Variants in SDK1 observed in about 807,000 individuals in gnomAD.
The protein encoded by SDK1 is sidekick cell adhesion molecule 1.
In SDK1, 157 loss-of-function variants were observed where a neutral mutation model predicts 245.5. The observed-to-expected ratio is 0.64, with a 90% CI of 0.56 to 0.73. The LOEUF (loss-of-function observed/expected upper bound fraction) is 0.73. Among genes scored for constraint, SDK1 ranks in the 30% least tolerant of loss-of-function variants. The pLI is 0.00. For missense variants in SDK1, 3,583 were observed against 3,002.3 expected (o/e 1.19, Z -4.52); for synonymous variants, 1,647 against 1,278.5 (o/e 1.29, Z -6.15).
At chr7:3,605,968 A>T (rs576537984) in intron 1 of SDK1, among the ~76,000 whole-genome samples, 2 of 152,280 alleles carry the variant, frequency 1.3e-5, no homozygotes, top group East Asian at 3.9e-4. Flanking sequence ...TCCAGATGTT[A>T]CTTTTGAAAG....
chr7:4,266,092 A>C lies in SDK1; in HGVS notation c.*708A>C. On this transcript the variant is annotated 3_prime_UTR_variant, in exon 45 of 45. Transcript: ENST00000404826. Reference sequence around the variant, plus strand: ...GTCTTTCCCCCTTCCTTCTCACCTGACAGCGAGGGAGAGGGAAGCCTCTTA... The same window carrying C: ...GTCTTTCCCCCTTCCTTCTCACCTGCCAGCGAGGGAGAGGGAAGCCTCTTA... 1 of 985,314 alleles carries C rather than the reference A, an allele frequency of 1.0e-6. No homozygotes were observed. The highest frequency in any genetic ancestry group is 1.2e-6 in the Non-Finnish European group (1 of 829,922). The allele number at this position is 985,314 out of a possible 1,614,324, so 61.0% of individuals were successfully genotyped here. A position where few individuals can be genotyped will look rare whatever the true frequency, so the allele number is the denominator to read the frequency against.
intron 14 of SDK1, among the ~76,000 whole-genome samples, chr7:4,007,668 G>A (rs544117631): frequency 2.0e-5 from 3 of 151,990 alleles, no homozygotes; most frequent in African/African-American, 7.3e-5. Flanking sequence ...CCAGTGGCGC[G>A]GTCTCGACTC....
chr7:4,210,183 G>C, intron 38 of SDK1, 21 bp downstream of exon 38: 1 of 1,523,230 alleles, frequency 6.6e-7, no homozygotes. Context: ...GGGTTGGGGA[G>C]ATGGGAGCGC....
Position 4,265,387 on chromosome 7 carries a change from A to G in SDK1, c.*3A>G, listed in dbSNP as rs1044093309. ...CCGGCTTCTCCTCCTTCGTGTGAGC[A>G]AAGCGCCGCGCCTCCCTCAGGGCGG... On this transcript the variant is annotated 3_prime_UTR_variant, in exon 45 of 45. Coordinates refer to ENST00000404826, the MANE Select transcript of SDK1 (RefSeq NM_152744.4). The G allele has an allele frequency of 7.0e-6, 10 of 1,428,736 alleles. No homozygotes were observed. In the African/African-American group the frequency reaches 1.2e-4, roughly 17 times the overall value. 88.5% of individuals were successfully genotyped at this position (1,428,736 alleles called of 1,614,324 possible). A position where few individuals can be genotyped will look rare whatever the true frequency, so the allele number is the denominator to read the frequency against.
chr7:3,425,712 A>T (rs1779657731), intron 1 of SDK1, among the ~76,000 whole-genome samples: 1 of 152,340 alleles, frequency 6.6e-6, no homozygotes, highest in African/African-American at 2.4e-5. Context: ...ATCATTAATT[A>T]GGGAAGATAA....
chr7:3,631,367 A>T (rs1332579420), intron 2 of SDK1, among the ~76,000 whole-genome samples: 1 of 151,926 alleles, frequency 6.6e-6, no homozygotes, highest in East Asian at 1.9e-4. Context: ...ATTGTGTGTA[A>T]CTCCCATCTA....
At position 3,416,946 on chromosome 7, in the gene SDK1, A is replaced by G. The variant is rs192838561; in HGVS notation, c.298+115062A>G. On this transcript the variant is annotated intron_variant, in intron 1 of 44. Transcript: ENST00000404826. ...CCAGCACTTTGGGAGGATGAGGTGG[A>G]TGGATCACCTGAGGTCAGGAGTTCA... is the stretch of plus-strand genomic sequence containing the variant. Among the ~76,000 whole-genome samples the G allele has an allele frequency of 4.9e-3, 745 of 152,146 alleles. 9 individuals carry two copies. The highest frequency in any genetic ancestry group is 0.017 in the African/African-American group (700 of 41,534).
intron 25 of SDK1, 87 bp downstream of exon 25, chr7:4,114,361 C>A (rs935660543): frequency 1.9e-6 from 2 of 1,047,676 alleles, no homozygotes; most frequent in Non-Finnish European, 2.8e-6. Flanking sequence ...AGGCTAGTGG[C>A]GTCTCATTGG....
chr7:3,816,267 G>A (rs1481432177), intron 4 of SDK1, among the ~76,000 whole-genome samples: 1 of 151,966 alleles, frequency 6.6e-6, no homozygotes, highest in Non-Finnish European at 1.5e-5. Context: ...GAAGGAAAGA[G>A]AGACACAAAA....
At chr7:3,783,601 A>G (rs1424633798) in intron 4 of SDK1, among the ~76,000 whole-genome samples, 1 of 152,224 alleles carries the variant, frequency 6.6e-6, no homozygotes, top group Non-Finnish European at 1.5e-5. Flanking sequence ...TTATCAAGGG[A>G]ACAATTTCAT....
chr7:3,604,087 G>A (rs1051923009), intron 1 of SDK1, among the ~76,000 whole-genome samples: 15 of 152,210 alleles, frequency 9.9e-5, no homozygotes, highest in Non-Finnish European at 1.9e-4. Context: ...CGGTTTGCCA[G>A]TATTTTATTG....
intron 44 of SDK1, among the ~76,000 whole-genome samples, chr7:4,251,542 C>G (rs1262320270): frequency 6.6e-6 from 1 of 152,208 alleles, no homozygotes; most frequent in Non-Finnish European, 1.5e-5. Context: ...TGATTAGAAA[C>G]TCACTGCCCA....
intron 40 of SDK1, among the ~76,000 whole-genome samples, chr7:4,224,148 G>A (rs569610540): frequency 1.3e-5 from 2 of 152,318 alleles, no homozygotes; most frequent in East Asian, 1.9e-4. Context: ...CCAGGTGATC[G>A]TAGGCATTAC....
At chr7:3,501,944 C>T (rs1327946155) in intron 1 of SDK1, among the ~76,000 whole-genome samples, 1 of 152,070 alleles carries the variant, frequency 6.6e-6, no homozygotes, top group Non-Finnish European at 1.5e-5. Flanking sequence ...CCTCCTAGAC[C>T]AAAGGTGTTT....
rs148138920 is a variant in SDK1, at chr7:3,373,384, A to G, written c.298+71500A>G. Among the ~76,000 whole-genome samples, 672 of 152,314 alleles carry G rather than the reference A, an allele frequency of 4.4e-3. 4 individuals are homozygous for G. The highest frequency in any genetic ancestry group is 0.016 in the African/African-American group (645 of 41,570). On this transcript the variant is annotated intron_variant, in intron 1 of 44. Transcript: ENST00000404826. ...CAAGTCAGGTTCTCTCTGTAATTCA[A>G]ATTATGAACAAGTCAATGACAGAAA...
At chr7:3,775,447 T>A (rs976613537) in intron 4 of SDK1, among the ~76,000 whole-genome samples, 1 of 152,092 alleles carries the variant, frequency 6.6e-6, no homozygotes, top group African/African-American at 2.4e-5. Context: ...TTTTTTCTAT[T>A]TGAAGGCTGT....
intron 5 of SDK1, among the ~76,000 whole-genome samples, chr7:3,922,785 A>T (rs1333836716): frequency 6.6e-6 from 1 of 152,164 alleles, no homozygotes; most frequent in Non-Finnish European, 1.5e-5. Flanking sequence ...TTATTTGAAG[A>T]TGCAAATCTT....
chr7:3,523,596 G>C (rs974115083), intron 1 of SDK1, among the ~76,000 whole-genome samples: 1 of 152,010 alleles, frequency 6.6e-6, no homozygotes, highest in Non-Finnish European at 1.5e-5. Context: ...ATTCTCTGCG[G>C]TACTCAATGT....
At chr7:3,817,632 C>A (rs1376747617) in intron 4 of SDK1, among the ~76,000 whole-genome samples, 2 of 152,178 alleles carry the variant, frequency 1.3e-5, no homozygotes, top group Non-Finnish European at 2.9e-5. Context: ...GGCCACAACC[C>A]CTGGCCATGC....
Sources: gnomAD v4.1 joint callset for allele counts (sites outside exome capture counted in the v4.1 genomes callset) on GRCh38, gnomAD v4.1.1 for gene constraint, MANE v1.5 for transcripts, NCBI Gene and HGNC (gene_info 2026-07-23, HGNC 2026-07-21) for gene names.